The following PTPRM variants were observed in gnomAD, a reference collection of about 807,000 sequenced individuals.
PTPRM encodes protein tyrosine phosphatase receptor type M, also known as receptor-type tyrosine-protein phosphatase mu.
A neutral mutation model predicts 186.7 loss-of-function variants in PTPRM; 47 were observed. That is an observed-to-expected ratio of 0.25 (90% CI 0.20 to 0.32). The LOEUF (loss-of-function observed/expected upper bound fraction) is 0.32, where lower values mean the gene tolerates loss of function less well. PTPRM is among the 10% of genes least tolerant of loss of function. The pLI is 1.00. For synonymous variants in PTPRM, 668 were observed against 674.9 expected (o/e 0.99, Z 0.16); for missense variants, 1,494 against 1,865.0 (o/e 0.80, Z 3.66).
intron 4 of PTPRM, among the ~76,000 whole-genome samples, chr18:7,911,667 A>C (rs995715204): frequency 1.3e-5 from 2 of 152,056 alleles, no homozygotes; most frequent in Non-Finnish European, 1.5e-5. Flanking sequence ...CCAATCTGTG[A>C]GTTGTTTTCT....
chr18:7,748,163 G>A (rs2041042268), intron 1 of PTPRM, among the ~76,000 whole-genome samples: 1 of 152,212 alleles, frequency 6.6e-6, no homozygotes, highest in Non-Finnish European at 1.5e-5. Context: ...AGAACTTTCT[G>A]TGATGATGGA....
intron 1 of PTPRM, among the ~76,000 whole-genome samples, chr18:7,610,666 G>A (rs12454093): frequency 0.061 from 9,276 of 152,176 alleles, 434 homozygotes; most frequent in Admixed American, 0.14. Flanking sequence ...GAAGATTGTA[G>A]CACAACGCAT....
Position 8,296,389 on chromosome 18 carries a change from G to C in PTPRM, c.2776G>C (p.Ala926Pro). 1 of 1,610,236 alleles carries C rather than the reference G, an allele frequency of 6.2e-7. No homozygotes were observed. The highest frequency in any genetic ancestry group is 8.5e-7 in the Non-Finnish European group (1 of 1,176,540). The change falls in exon 20 of 33, where the codon GCA (alanine) becomes CCA (proline). Residue 926 changes from alanine (A) to proline (P), a missense_variant. By Grantham distance (27) the Ala-to-Pro change is conservative (BLOSUM62 -1). Transcript: ENST00000580170. ...CTAGAGCTTCTTTGAAGGGCAGTCTGCACCATGGGACTCGGCTAAGAAAGA... is the reference window on the plus strand; with the variant it reads ...CTAGAGCTTCTTTGAAGGGCAGTCTCCACCATGGGACTCGGCTAAGAAAGA... ...EYESFFEGQS[A>P]PWDSAKKDEN...
rs140752481 is a variant in PTPRM at position 8,063,620 on chromosome 18, C to G, written c.1133-6066C>G. ...TTCTACCCCTCTTTTTCCAACCTCTCTATTCAATAACACTTTTATTTTTTA... is the reference window on the plus strand; with the variant it reads ...TTCTACCCCTCTTTTTCCAACCTCTGTATTCAATAACACTTTTATTTTTTA... On this transcript the variant is annotated intron_variant, in intron 7 of 32. Coordinates refer to ENST00000580170, the MANE Select transcript of PTPRM (RefSeq NM_001105244.2). Among the ~76,000 whole-genome samples, 1,143 of 152,244 alleles carry G rather than the reference C, an allele frequency of 7.5e-3. 7 individuals are homozygous for G. The highest frequency in any genetic ancestry group is 0.03 in the South Asian group (143 of 4,828).
intron 19 of PTPRM, among the ~76,000 whole-genome samples, chr18:8,277,782 G>A (rs1335941956): frequency 1.3e-5 from 2 of 152,122 alleles, no homozygotes; most frequent in Non-Finnish European, 2.9e-5. Flanking sequence ...GTATTCCATT[G>A]GTTATCATAG....
chr18:7,623,860 C>T (rs992817792), intron 1 of PTPRM, among the ~76,000 whole-genome samples: 1 of 152,184 alleles, frequency 6.6e-6, no homozygotes, highest in African/African-American at 2.4e-5. Context: ...GCTGGTCAGC[C>T]ATGGAGGTGG....
intron 14 of PTPRM, among the ~76,000 whole-genome samples, chr18:8,182,278 G>A (rs1473315360): frequency 1.3e-5 from 2 of 152,084 alleles, no homozygotes; most frequent in Non-Finnish European, 2.9e-5. Flanking sequence ...TATATTGCAT[G>A]ATGCTGAGGT....
intron 1 of PTPRM, among the ~76,000 whole-genome samples, chr18:7,726,055 G>C (rs552043567): frequency 1.3e-5 from 2 of 152,098 alleles, no homozygotes; most frequent in Non-Finnish European, 2.9e-5. Context: ...CCCCAAAAGC[G>C]CTCGCCCCAG....
At chr18:7,771,880 G>A (rs144237028) in intron 1 of PTPRM, among the ~76,000 whole-genome samples, 200 of 152,326 alleles carry the variant, frequency 1.3e-3, no homozygotes, top group African/African-American at 4.7e-3. Flanking sequence ...ACAAAAGCAT[G>A]AGATGGGATT....
chr18:7,931,281 A>C (rs1351747096), intron 5 of PTPRM, among the ~76,000 whole-genome samples: 1 of 152,270 alleles, frequency 6.6e-6, no homozygotes, highest in East Asian at 1.9e-4. Context: ...TTGAGCCCAC[A>C]TTTTGAAAAT....
chr18:8,003,665 A>G (rs947746783), intron 7 of PTPRM, among the ~76,000 whole-genome samples: 1 of 152,232 alleles, frequency 6.6e-6, no homozygotes, highest in Non-Finnish European at 1.5e-5. Context: ...TAAAGCCTTA[A>G]ACTAAATTCT....
intron 14 of PTPRM, among the ~76,000 whole-genome samples, chr18:8,207,605 T>C (rs2093948752): frequency 6.6e-6 from 1 of 152,116 alleles, no homozygotes; most frequent in South Asian, 2.1e-4. Flanking sequence ...TAAAAATGTA[T>C]AAAAAAGACT....
At chr18:8,013,394 T>C (rs547756785) in intron 7 of PTPRM, among the ~76,000 whole-genome samples, 4 of 152,272 alleles carry the variant, frequency 2.6e-5, no homozygotes, top group Non-Finnish European at 4.4e-5. Flanking sequence ...GATTAACACA[T>C]ATTTTGTATG....
rs1340350385 is a variant in PTPRM at position 7,818,422 on chromosome 18, G to GTTA, written c.196+44151_196+44152insTTA. ...TCCTTCTTTGTGCCTCTTCCTACCAGGTACAGACTAACATCCTAGCTCCTG... is the reference window on the plus strand; with the variant it reads ...TCCTTCTTTGTGCCTCTTCCTACCAGTTAGTACAGACTAACATCCTAGCTCCTG... On this transcript the variant is annotated intron_variant, in intron 2 of 32. Transcript: ENST00000580170. Among the ~76,000 whole-genome samples, 63 of 152,226 alleles carry GTTA rather than the reference G, an allele frequency of 4.1e-4. 1 individual carries two copies. The highest frequency in any genetic ancestry group is 1.5e-3 in the African/African-American group (62 of 41,532).
intron 2 of PTPRM, among the ~76,000 whole-genome samples, chr18:7,841,504 CA>C (rs2046324709): frequency 6.6e-6 from 1 of 151,870 alleles, no homozygotes; most frequent in Non-Finnish European, 1.5e-5. Context: ...CCATGTTTGC[CA>C]GGATGGTCTT....
intron 2 of PTPRM, among the ~76,000 whole-genome samples, chr18:7,827,414 T>A (rs2045542852): frequency 6.6e-6 from 1 of 152,218 alleles, no homozygotes; most frequent in Admixed American, 6.5e-5. Flanking sequence ...AAATAAAATG[T>A]GCATCTTCAC....
At chr18:7,724,854 G>A (rs1009188439) in intron 1 of PTPRM, among the ~76,000 whole-genome samples, 8 of 152,170 alleles carry the variant, frequency 5.3e-5, no homozygotes, top group African/African-American at 1.7e-4. Flanking sequence ...TTATAGTAGT[G>A]CTGTTCCCTT....
At chr18:8,220,170 G>A (rs2094138493) in intron 14 of PTPRM, among the ~76,000 whole-genome samples, 1 of 152,066 alleles carries the variant, frequency 6.6e-6, no homozygotes, top group Admixed American at 6.5e-5. Flanking sequence ...AACATGGTGA[G>A]AATTAAAGGG....
intron 3 of PTPRM, among the ~76,000 whole-genome samples, chr18:7,895,237 G>T (rs2049293761): frequency 6.6e-6 from 1 of 152,166 alleles, no homozygotes; most frequent in South Asian, 2.1e-4. Flanking sequence ...GAAAGGAAAA[G>T]CACATTGGGG....
Sources: allele counts gnomAD v4.1 joint callset (sites outside exome capture counted in the v4.1 genomes callset), GRCh38; gene constraint gnomAD v4.1.1; transcripts MANE v1.5; gene names NCBI Gene and HGNC (gene_info 2026-07-23, HGNC 2026-07-21).